PKIB: variants seen among roughly 807,000 people sequenced by gnomAD.
PKIB encodes PKI-beta.
A neutral mutation model predicts 4.5 loss-of-function variants in PKIB; 2 were observed. The observed-to-expected ratio is 0.44, with a 90% confidence interval of 0.18 to 1.39. PKIB has a LOEUF of 1.39. Among genes scored for constraint, PKIB ranks in the 40% most tolerant of loss-of-function variants. PKIB has a pLI of 0.27. For synonymous variants in PKIB, 38 were observed against 36.0 expected (o/e 1.06, Z -0.20); for missense variants, 94 against 92.6 (o/e 1.02, Z -0.06).
At chr6:122,718,479 G>T (rs1239201398) in intron 4 of PKIB, among the ~76,000 whole-genome samples, 1 of 151,898 alleles carries the variant, frequency 6.6e-6, no homozygotes, top group Non-Finnish European at 1.5e-5. Context: ...AAAGTATAAG[G>T]ATACTTTAAA....
chr6:122,492,056 A>G (rs2114539394), intron 2 of PKIB, among the ~76,000 whole-genome samples: 1 of 152,326 alleles, frequency 6.6e-6, no homozygotes, highest in Non-Finnish European at 1.5e-5. Context: ...TTTTATTCAG[A>G]GGCTTAAGCC....
intron 3 of PKIB, among the ~76,000 whole-genome samples, chr6:122,703,834 CAT>C (rs1238138650): frequency 5.4e-5 from 8 of 149,384 alleles, no homozygotes; most frequent in South Asian, 2.1e-4. Flanking sequence ...TATATACACA[CAT>C]ATATATGTAT....
At chr6:122,671,022 G>A (rs374631796) in intron 2 of PKIB, among the ~76,000 whole-genome samples, 23 of 152,248 alleles carry the variant, frequency 1.5e-4, no homozygotes, top group East Asian at 9.7e-4. Context: ...GGCCAGGCGC[G>A]GTGGCTCACG....
chr6:122,574,446 T>C (rs993863487), intron 2 of PKIB, among the ~76,000 whole-genome samples: 1 of 152,058 alleles, frequency 6.6e-6, no homozygotes, highest in Non-Finnish European at 1.5e-5. Context: ...AAAGAGCCTA[T>C]AGCCAAAGCA....
chr6:122,518,885 G>T (rs79215852), intron 2 of PKIB, among the ~76,000 whole-genome samples: 1 of 152,064 alleles, frequency 6.6e-6, no homozygotes, highest in African/African-American at 2.4e-5. Flanking sequence ...TCATTCAGAC[G>T]CAGACTGAGC....
intron 3 of PKIB, among the ~76,000 whole-genome samples, chr6:122,682,878 G>A (rs1167258366): frequency 6.6e-6 from 1 of 152,206 alleles, no homozygotes; most frequent in Non-Finnish European, 1.5e-5. Flanking sequence ...ACCAAGCCCT[G>A]AGGATAACAT....
Position 122,620,552 on chromosome 6 carries a change from T to G in PKIB, c.-161+10017T>G, listed in dbSNP as rs750182035. 3.0e-4 allele frequency among the ~76,000 whole-genome samples: 46 copies of G among 152,312 alleles called. 1 individual carries two copies. The highest frequency in any genetic ancestry group is 5.4e-4 in the Non-Finnish European group (37 of 68,032). The stretch of plus-strand genomic sequence containing the variant: ...CTAGTATCAAAATATTTGAGAATAT[T>G]GTTGCATAAGCATCTGTGTAGAATC... On this transcript the variant is annotated intron_variant, in intron 1 of 4. Transcript: ENST00000368452.
intron 2 of PKIB, among the ~76,000 whole-genome samples, chr6:122,486,586 T>G (rs1290119400): frequency 6.6e-6 from 1 of 152,110 alleles, no homozygotes; most frequent in Non-Finnish European, 1.5e-5. Flanking sequence ...GTGTATGATT[T>G]TTTTTCTTTA....
chr6:122,567,004 G>A (rs1431911517), intron 2 of PKIB, among the ~76,000 whole-genome samples: 2 of 152,110 alleles, frequency 1.3e-5, no homozygotes, highest in Non-Finnish European at 2.9e-5. Context: ...AGTGTCAAAT[G>A]TCTTCCCAAA....
chr6:122,556,483 T>C (rs143352070), intron 2 of PKIB, among the ~76,000 whole-genome samples: 1 of 152,314 alleles, frequency 6.6e-6, no homozygotes, highest in South Asian at 2.1e-4. Flanking sequence ...TTCTGATCTA[T>C]GTACCTAGTG....
intron 3 of PKIB, among the ~76,000 whole-genome samples, chr6:122,604,485 T>C (rs1249034526): frequency 1.3e-5 from 2 of 152,142 alleles, no homozygotes; most frequent in Non-Finnish European, 2.9e-5. Context: ...GCACCAATTA[T>C]GAAAATTAGA....
At chr6:122,651,558 T>G (rs1776555589) in intron 2 of PKIB, among the ~76,000 whole-genome samples, 1 of 152,160 alleles carries the variant, frequency 6.6e-6, no homozygotes, top group Non-Finnish European at 1.5e-5. Context: ...ATTTAGAGAT[T>G]TGATGTCACA....
chr6:122,690,909 T>C (rs1778306834), intron 3 of PKIB, among the ~76,000 whole-genome samples: 1 of 129,488 alleles, frequency 7.7e-6, no homozygotes. Flanking sequence ...TCCTTCATGC[T>C]TGAAGGATAT....
intron 2 of PKIB, among the ~76,000 whole-genome samples, chr6:122,672,987 T>C (rs1777527026): frequency 6.6e-6 from 1 of 152,134 alleles, no homozygotes; most frequent in East Asian, 1.9e-4. Context: ...ATATCTTCAT[T>C]AAATCTGAAT....
chr6:122,679,154 A>G (rs1777803565), intron 3 of PKIB, among the ~76,000 whole-genome samples: 1 of 152,328 alleles, frequency 6.6e-6, no homozygotes, highest in East Asian at 1.9e-4. Context: ...TTGTTGCCCA[A>G]GTGAAGAGAA....
chr6:122,564,316 T>C (rs9388097), intron 2 of PKIB, among the ~76,000 whole-genome samples: 54,085 of 152,018 alleles, frequency 0.36, 10,086 homozygotes, highest in African/African-American at 0.45. Flanking sequence ...CTGCAAGCTG[T>C]TCTGTCCGGA....
At chr6:122,638,690 C>T (rs766835602) in intron 2 of PKIB, among the ~76,000 whole-genome samples, 3 of 152,196 alleles carry the variant, frequency 2.0e-5, no homozygotes, top group Admixed American at 1.3e-4. Flanking sequence ...TTTTATCCAT[C>T]CACCTTAAAG....
At chr6:122,690,313 G>A (rs1219752044) in intron 3 of PKIB, among the ~76,000 whole-genome samples, 3 of 151,616 alleles carry the variant, frequency 2.0e-5, no homozygotes, top group Non-Finnish European at 4.4e-5. Context: ...TAGTTGTTTT[G>A]TGGTCTTTTC....
intron 2 of PKIB, among the ~76,000 whole-genome samples, chr6:122,635,615 C>T (rs1775890421): frequency 6.7e-6 from 1 of 149,028 alleles, no homozygotes; most frequent in Non-Finnish European, 1.5e-5. Context: ...GAAATACTAG[C>T]TAAATAATGT....
Sources: allele counts gnomAD v4.1 joint callset (sites outside exome capture counted in the v4.1 genomes callset), GRCh38; gene constraint gnomAD v4.1.1; transcripts MANE v1.5; gene names NCBI Gene and HGNC (gene_info 2026-07-23, HGNC 2026-07-21).